Variants in TACR3 observed in about 807,000 individuals in gnomAD.
TACR3 encodes the protein tachykinin receptor 3.
A neutral mutation model predicts 35.0 loss-of-function variants in TACR3; 34 were observed. The observed-to-expected ratio is 0.97, with a 90% confidence interval of 0.74 to 1.30. The LOEUF (loss-of-function observed/expected upper bound fraction) is 1.30. TACR3 is among the 50% of genes most tolerant of loss of function. The pLI is 0.00. For synonymous variants in TACR3, 233 were observed against 221.1 expected (o/e 1.05, Z -0.48); for missense variants, 558 against 591.7 (o/e 0.94, Z 0.59).
intron 3 of TACR3, among the ~76,000 whole-genome samples, chr4:103,645,308 G>A (rs942613968): frequency 5.9e-5 from 9 of 151,842 alleles, no homozygotes; most frequent in African/African-American, 2.2e-4. Context: ...ACACAGGGAA[G>A]GAAATGTGCT....
At chr4:103,603,169 C>T (rs1381241506) in intron 3 of TACR3, among the ~76,000 whole-genome samples, 1 of 152,242 alleles carries the variant, frequency 6.6e-6, no homozygotes, top group African/African-American at 2.4e-5. Flanking sequence ...ATGAGCAAGA[C>T]TCCATGGGCG....
chr4:103,659,808 G>T (rs1344426356), intron 1 of TACR3, among the ~76,000 whole-genome samples: 1 of 152,142 alleles, frequency 6.6e-6, no homozygotes, highest in Non-Finnish European at 1.5e-5. Flanking sequence ...ATAGCTGAAA[G>T]AAGCAACTTC....
At chr4:103,599,784 C>G (rs1447588755) in intron 3 of TACR3, among the ~76,000 whole-genome samples, 4 of 152,194 alleles carry the variant, frequency 2.6e-5, no homozygotes, top group Non-Finnish European at 4.4e-5. Flanking sequence ...TCGAACCAGC[C>G]TTGCATCCCA....
chr4:103,597,761 G>T (rs1187609686), intron 3 of TACR3, among the ~76,000 whole-genome samples: 1 of 152,106 alleles, frequency 6.6e-6, no homozygotes, highest in Admixed American at 6.5e-5. Context: ...TTTCATCCAT[G>T]TCCCTACAAA....
chr4:103,676,362 T>A (rs1189717137), intron 1 of TACR3, among the ~76,000 whole-genome samples: 1 of 152,158 alleles, frequency 6.6e-6, no homozygotes, highest in East Asian at 1.9e-4. Flanking sequence ...AAAATTACAC[T>A]ACATAACACA....
rs573796498 is a variant in TACR3 at position 103,629,878 on chromosome 4, A to C, written c.888+26316T>G. 3.3e-3 allele frequency among the ~76,000 whole-genome samples: 465 copies of C among 141,782 alleles called. 10 individuals carry two copies. Among genetic ancestry groups the C allele is most frequent in the African/African-American group, 5.4e-3 (199 of 36,812 alleles). 93.0% of individuals were successfully genotyped at this position (141,782 alleles called of 152,430 possible). A position where few individuals can be genotyped will look rare whatever the true frequency, so the allele number is the denominator to read the frequency against. On this transcript the variant is annotated intron_variant, in intron 3 of 4. Transcript: ENST00000304883. ...AAAAAAAACAAAAAAAAAACAAAAA[A>C]AACAACAACAACAACAAAAAAAAAC...
At chr4:103,649,615 C>T (rs1725537737) in intron 3 of TACR3, among the ~76,000 whole-genome samples, 1 of 152,014 alleles carries the variant, frequency 6.6e-6, no homozygotes, top group Non-Finnish European at 1.5e-5. Flanking sequence ...TTGATCAATT[C>T]TGCTGTTAAA....
At chr4:103,703,899 G>C (rs1206983055) in intron 1 of TACR3, among the ~76,000 whole-genome samples, 1 of 151,756 alleles carries the variant, frequency 6.6e-6, no homozygotes, top group Non-Finnish European at 1.5e-5. Flanking sequence ...AGGAGATCGA[G>C]ACCATCCTGG....
intron 1 of TACR3, among the ~76,000 whole-genome samples, chr4:103,680,526 CATAT>C (rs950026802): frequency 3.5e-5 from 5 of 143,584 alleles, no homozygotes; most frequent in African/African-American, 1.4e-4. Context: ...TATATATACA[CATAT>C]ATATACATAT....
In TACR3 at chr4:103,706,652, C is replaced by T. The variant is rs144342187; in HGVS notation, c.548+12476G>A. 7.4e-3 allele frequency among the ~76,000 whole-genome samples: 1,125 copies of T among 152,070 alleles called. 9 individuals are homozygous for T. The highest frequency in any genetic ancestry group is 0.025 in the African/African-American group (1,050 of 41,468). ...GGGGAGCATTGCAATGTGGATGTGA[C>T]GGTCATAGGTTGGTGATATTTAGAG... On this transcript the variant is annotated intron_variant, in intron 1 of 4. Transcript: ENST00000304883.
At chr4:103,592,699 A>G (rs968930322) in intron 3 of TACR3, among the ~76,000 whole-genome samples, 2 of 152,226 alleles carry the variant, frequency 1.3e-5, no homozygotes, top group African/African-American at 4.8e-5. Flanking sequence ...AAAACAAATC[A>G]GGGAAAGCTC....
chr4:103,634,898 G>GT (rs1329810126), intron 3 of TACR3, among the ~76,000 whole-genome samples: 4 of 151,948 alleles, frequency 2.6e-5, no homozygotes, highest in Non-Finnish European at 5.9e-5. Flanking sequence ...CATCTCTCAA[G>GT]TAAGATAACA....
chr4:103,614,227 A>G (rs936320909), intron 3 of TACR3, among the ~76,000 whole-genome samples: 5 of 152,210 alleles, frequency 3.3e-5, no homozygotes, highest in Admixed American at 6.5e-5. Context: ...CAAGAACAAG[A>G]CATTTAGTCT....
chr4:103,624,601 A>C (rs1724850614), intron 3 of TACR3: 1 of 152,214 alleles, frequency 6.6e-6, no homozygotes, highest in Non-Finnish European at 1.5e-5. Flanking sequence ...AGTAGAAGAA[A>C]GTCTCCCCGA....
intron 3 of TACR3, among the ~76,000 whole-genome samples, chr4:103,596,320 C>G (rs558834325): frequency 2.6e-5 from 4 of 151,954 alleles, no homozygotes; most frequent in African/African-American, 9.7e-5. Flanking sequence ...CCTGAGGAAT[C>G]GCCACACTGA....
At chr4:103,600,502 CT>C (rs1309954084) in intron 3 of TACR3, among the ~76,000 whole-genome samples, 5 of 152,130 alleles carry the variant, frequency 3.3e-5, no homozygotes, top group Admixed American at 2.6e-4. Flanking sequence ...CTTCTGCTAG[CT>C]TTTGAATGTG....
At chr4:103,687,227 C>T (rs372875796) in intron 1 of TACR3, among the ~76,000 whole-genome samples, 11 of 152,068 alleles carry the variant, frequency 7.2e-5, no homozygotes, top group Admixed American at 1.3e-4. Flanking sequence ...CAATAAATTA[C>T]GTATTGATGG....
chr4:103,596,646 C>G (rs1330063928), intron 3 of TACR3, among the ~76,000 whole-genome samples: 3 of 151,966 alleles, frequency 2.0e-5, no homozygotes, highest in African/African-American at 7.3e-5. Flanking sequence ...GGTACATGTG[C>G]ACAATGTGCA....
At chr4:103,608,208 C>G in intron 3 of TACR3, among the ~76,000 whole-genome samples, 1 of 152,072 alleles carries the variant, frequency 6.6e-6, no homozygotes, top group Admixed American at 6.6e-5. Flanking sequence ...TTCATATACA[C>G]CATGGGAAAC....
Sources: gnomAD v4.1 joint callset for allele counts (sites outside exome capture counted in the v4.1 genomes callset) on GRCh38, gnomAD v4.1.1 for gene constraint, MANE v1.5 for transcripts, NCBI Gene and HGNC (gene_info 2026-07-23, HGNC 2026-07-21) for gene names.